Variants in FRMD6 observed in about 807,000 individuals in gnomAD.
FRMD6 encodes the protein FERM domain containing 6.
FRMD6 carries 37 observed loss-of-function variants against 73.2 expected under a neutral mutation model. The ratio of observed to expected loss-of-function variants is 0.51; its 90% CI spans 0.39 to 0.66. The LOEUF (loss-of-function observed/expected upper bound fraction) is 0.66, where lower values mean the gene tolerates loss of function less well. FRMD6 is among the 30% of genes least tolerant of loss of function. The pLI is 0.00. For missense variants in FRMD6, 714 were observed against 780.5 expected (o/e 0.91, Z 1.02); for synonymous variants, 273 against 282.2 (o/e 0.97, Z 0.33).
At chr14:51,517,193 T>A (rs1884682422) in intron 1 of FRMD6, among the ~76,000 whole-genome samples, 1 of 152,198 alleles carries the variant, frequency 6.6e-6, no homozygotes. Flanking sequence ...ATTGACATAC[T>A]CCTCCCTCTA....
intron 5 of FRMD6, among the ~76,000 whole-genome samples, 168 bp downstream of exon 5, chr14:51,702,756 C>T (rs1896402616): frequency 6.6e-6 from 1 of 151,976 alleles, no homozygotes. Flanking sequence ...GGTATATCCT[C>T]AGTCCCTAAA....
At chr14:51,484,889 GGTTGACATTAGTTGAACACA>G (rs1438627232), upstream of FRMD6, among the ~76,000 whole-genome samples, 9 of 152,298 alleles carry the variant, frequency 5.9e-5, no homozygotes, top group South Asian at 1.9e-3. Flanking sequence ...TAGAAGTTTT[GGTTGACATTAGTTGAACACA>G]GCTACTCTCT....
At chr14:51,511,279 T>A (rs1286764599) in intron 1 of FRMD6, among the ~76,000 whole-genome samples, 1 of 152,204 alleles carries the variant, frequency 6.6e-6, no homozygotes, top group Non-Finnish European at 1.5e-5. Flanking sequence ...AAAAGAAAGA[T>A]GGTGACTGAT....
At chr14:51,459,044 T>C in the FRMD6 span, among the ~76,000 whole-genome samples, 1 of 152,212 alleles carries the variant, frequency 6.6e-6, no homozygotes, top group African/African-American at 2.4e-5. Flanking sequence ...GCATCGGAGA[T>C]GCACACGGCA....
At chr14:51,722,750 T>TC (rs1467759161) in intron 12 of FRMD6, among the ~76,000 whole-genome samples, 1 of 152,224 alleles carries the variant, frequency 6.6e-6, no homozygotes, top group Non-Finnish European at 1.5e-5. Context: ...ACTGCTTTTG[T>TC]CACACATCAT....
intron 1 of FRMD6, among the ~76,000 whole-genome samples, chr14:51,495,542 C>T (rs1956572): frequency 0.62 from 93,745 of 152,050 alleles, 29,172 homozygotes; most frequent in Admixed American, 0.69. Context: ...CAAGCATTGT[C>T]TCCCGACAGT....
At chr14:51,582,728 T>G (rs1888796419) in intron 2 of FRMD6, among the ~76,000 whole-genome samples, 1 of 152,204 alleles carries the variant, frequency 6.6e-6, no homozygotes, top group Non-Finnish European at 1.5e-5. Flanking sequence ...TGGTTTGACT[T>G]GGTGGTGAGA....
At chr14:51,455,179 A>G in the FRMD6 span, among the ~76,000 whole-genome samples, 2 of 152,224 alleles carry the variant, frequency 1.3e-5, no homozygotes, top group Non-Finnish European at 2.9e-5. Flanking sequence ...ATATACTTAA[A>G]TGCACCGGGA....
rs556895857 is a variant in FRMD6 at position 51,516,009 on chromosome 14, G to T, written c.-210+26589G>T. On this transcript the variant is annotated intron_variant, in intron 1 of 14. Coordinates refer to the FRMD6 transcript ENST00000356218. ...GGAGGCACTTTCTAACCTTCTGGGT[G>T]TTCTGAACCCCTGAACATCAGGGCA... Among the ~76,000 whole-genome samples the T allele has an allele frequency of 1.7e-3, 170 of 97,968 alleles. 4 individuals are homozygous for T. The South Asian group carries it at 0.056, about 33-fold the overall frequency. 64.3% of individuals were successfully genotyped at this position (97,968 alleles called of 152,430 possible). A position where few individuals can be genotyped will look rare whatever the true frequency, so the allele number is the denominator to read the frequency against.
chr14:51,487,864 G>T (rs553750382), upstream of FRMD6, among the ~76,000 whole-genome samples: 3 of 152,294 alleles, frequency 2.0e-5, no homozygotes, highest in Non-Finnish European at 2.9e-5. Flanking sequence ...GTGGTGATAG[G>T]TATAGAGGGA....
the FRMD6 span, among the ~76,000 whole-genome samples, chr14:51,455,880 G>A: frequency 2.0e-5 from 3 of 152,180 alleles, no homozygotes; most frequent in African/African-American, 4.8e-5. Context: ...GATGGGGGAA[G>A]GTGAAGTTCA....
At chr14:51,514,057 C>G (rs895591538) in intron 1 of FRMD6, among the ~76,000 whole-genome samples, 4 of 152,162 alleles carry the variant, frequency 2.6e-5, no homozygotes, top group African/African-American at 9.7e-5. Context: ...TTGTGCCTGG[C>G]ACATGGAAGG....
intron 1 of FRMD6, among the ~76,000 whole-genome samples, chr14:51,523,800 ATT>A (rs1374217446): frequency 6.6e-6 from 1 of 152,202 alleles, no homozygotes; most frequent in Non-Finnish European, 1.5e-5. Context: ...GCCAATTTAA[ATT>A]TCAAAGCAGA....
At chr14:51,423,228 G>C in the FRMD6 span, among the ~76,000 whole-genome samples, 1 of 152,240 alleles carries the variant, frequency 6.6e-6, no homozygotes, top group African/African-American at 2.4e-5. Flanking sequence ...GTCCTTTCTA[G>C]GATTCATTTC....
intron 2 of FRMD6, among the ~76,000 whole-genome samples, chr14:51,585,961 A>AT (rs1555324347): frequency 1.1e-4 from 6 of 56,290 alleles, no homozygotes; most frequent in South Asian, 5.5e-4. Flanking sequence ...ATATATATAT[A>AT]ACATTTTCTT....
In FRMD6 at chr14:51,725,783, G is replaced by A. The variant is rs1488034276; in HGVS notation, c.1497G>A (p.Leu499=). The change falls in exon 13 of 14, where the codon TTG becomes TTA. Residue 499 remains leucine (L), a synonymous_variant. Coordinates refer to ENST00000344768, the MANE Select transcript of FRMD6 (RefSeq NM_001267046.2). ...MSRKLNGHSG[L]IVKEIGSSTS... is the part of the protein sequence containing the mutation. ...TATCTCTGTGTTTTATTTCAGGGTT[G>A]ATTGTGAAAGAAATTGGGTCTTCCA... is the stretch of plus-strand genomic sequence containing the variant. 1.2e-6 allele frequency: 2 copies of A among 1,610,920 alleles called. No individual in the cohort carries two copies. The highest frequency in any genetic ancestry group is 3.3e-5 in the Admixed American group (2 of 59,998).
At chr14:51,523,312 C>T (rs999172524) in intron 1 of FRMD6, among the ~76,000 whole-genome samples, 11 of 152,100 alleles carry the variant, frequency 7.2e-5, no homozygotes, top group Non-Finnish European at 1.2e-4. Flanking sequence ...AAATGTTATG[C>T]TACCTCCCAG....
intron 4 of FRMD6, 77 bp from the exon 5 acceptor site, chr14:51,702,435 G>T: frequency 2.7e-6 from 3 of 1,113,310 alleles, no homozygotes; most frequent in Non-Finnish European, 4.1e-6. Flanking sequence ...GCAAATAATT[G>T]TATTTTGGTT....
At chr14:51,550,846 A>T (rs571580921) in intron 1 of FRMD6, among the ~76,000 whole-genome samples, 1 of 152,334 alleles carries the variant, frequency 6.6e-6, no homozygotes, top group Admixed American at 6.5e-5. Flanking sequence ...TTTCCTCATT[A>T]TGATGCATAA....
Sources: allele counts gnomAD v4.1 joint callset (sites outside exome capture counted in the v4.1 genomes callset), GRCh38; gene constraint gnomAD v4.1.1; transcripts MANE v1.5; gene names NCBI Gene and HGNC (gene_info 2026-07-23, HGNC 2026-07-21).